KANSL1L: variants seen among roughly 807,000 people sequenced by gnomAD.
KANSL1L encodes KAT8 regulatory NSL complex subunit 1 like, also known as KAT8 regulatory NSL complex subunit 1-like protein.
Under a neutral mutation model 108.6 loss-of-function variants are expected in KANSL1L, and 25 were observed. The observed-to-expected ratio is 0.23, with a 90% CI of 0.17 to 0.32. KANSL1L has a LOEUF of 0.32. Among genes scored for constraint, KANSL1L ranks in the 10% least tolerant of loss-of-function variants. The pLI is 1.00. For missense variants in KANSL1L, 1,137 were observed against 1,125.7 expected (o/e 1.01, Z -0.14); for synonymous variants, 405 against 395.1 (o/e 1.03, Z -0.30).
rs1266336474 is a variant in KANSL1L, at chr2:210,066,316, A to AGAATAACTACTT, written c.1755+9224_1755+9235dup. On this transcript the variant is annotated intron_variant, in intron 6 of 14. Transcript: ENST00000281772. ...TAGGAGAGACCTTAGGCAAGGCTGA[A>AGAATAACTACTT]GAATAACTACTTAGGTAATCCACAG... 5.3e-5 allele frequency among the ~76,000 whole-genome samples: 8 copies of AGAATAACTACTT among 152,340 alleles called. No homozygotes were observed. In the East Asian group the frequency reaches 1.5e-3, roughly 29 times the overall value.
intron 6 of KANSL1L, among the ~76,000 whole-genome samples, chr2:210,068,156 G>GT (rs1371840009): frequency 6.6e-6 from 1 of 152,188 alleles, no homozygotes; most frequent in Non-Finnish European, 1.5e-5. Context: ...GATTACAGGC[G>GT]TGAGCCACCG....
intron 2 of KANSL1L, among the ~76,000 whole-genome samples, chr2:210,130,548 A>T (rs2095110607): frequency 6.6e-6 from 1 of 152,204 alleles, no homozygotes; most frequent in African/African-American, 2.4e-5. Flanking sequence ...TTCTAACTGC[A>T]TACAATGTGA....
rs540209029 is a variant in KANSL1L, at chr2:210,110,813, C to G, written c.1231-6512G>C. ...TAACACCTTGGACTAAACATGGACT[C>G]TGGGCTGGGTGCAGTGGCTTATACC... On this transcript the variant is annotated intron_variant, in intron 3 of 14. Coordinates refer to ENST00000281772, the MANE Select transcript of KANSL1L (RefSeq NM_152519.4). 5.3e-5 allele frequency among the ~76,000 whole-genome samples: 8 copies of G among 152,220 alleles called. No individual in the cohort carries two copies. The South Asian group carries it at 1.7e-3, about 32-fold the overall frequency.
intron 8 of KANSL1L, among the ~76,000 whole-genome samples, chr2:210,039,547 A>C (rs1265412664): frequency 6.6e-6 from 1 of 151,874 alleles, no homozygotes; most frequent in Non-Finnish European, 1.5e-5. Context: ...TTTCATGTAG[A>C]AATAATTTAT....
chr2:210,106,049 G>C (rs1390362621), intron 3 of KANSL1L, among the ~76,000 whole-genome samples: 1 of 152,156 alleles, frequency 6.6e-6, no homozygotes, highest in African/African-American at 2.4e-5. Context: ...AAATCTAAGA[G>C]AGAAACCATT....
intron 3 of KANSL1L, among the ~76,000 whole-genome samples, chr2:210,117,863 T>TA (rs985758480): frequency 3.3e-5 from 5 of 152,100 alleles, no homozygotes; most frequent in African/African-American, 9.7e-5. Context: ...GACTGTATTA[T>TA]AAAAAAATAG....
chr2:210,027,003 C>T (rs1195684576), intron 12 of KANSL1L, among the ~76,000 whole-genome samples: 1 of 152,172 alleles, frequency 6.6e-6, no homozygotes, highest in Non-Finnish European at 1.5e-5. Context: ...CATCTCCTGA[C>T]CTCGTGATCC....
chr2:210,146,137 G>A (rs573413275), intron 2 of KANSL1L, among the ~76,000 whole-genome samples: 38 of 152,220 alleles, frequency 2.5e-4, no homozygotes, highest in African/African-American at 8.9e-4. Context: ...CCTGATACCG[G>A]TAGCCCCCAC....
chr2:210,040,397 C>G (rs114353589), intron 8 of KANSL1L, 23 bp downstream of exon 8: 2 of 1,089,656 alleles, frequency 1.8e-6, no homozygotes, highest in East Asian at 4.7e-5. Context: ...ATATAGAGTA[C>G]AAGAACTGTA....
At chr2:210,129,437 T>A (rs2095099594) in intron 2 of KANSL1L, among the ~76,000 whole-genome samples, 1 of 152,126 alleles carries the variant, frequency 6.6e-6, no homozygotes, top group South Asian at 2.1e-4. Context: ...TCTTTATCAG[T>A]GCAGAAGGTC....
intron 6 of KANSL1L, among the ~76,000 whole-genome samples, chr2:210,062,149 T>C (rs1023262695): frequency 1.3e-5 from 2 of 152,112 alleles, no homozygotes; most frequent in African/African-American, 4.8e-5. Context: ...AATCGAATCA[T>C]GGGGGTGGGT....
Position 210,129,026 on chromosome 2 carries a change from A to G in KANSL1L, c.1230+5T>C. The G allele has an allele frequency of 1.9e-6, 3 of 1,611,886 alleles. No homozygotes were observed. The highest frequency in any genetic ancestry group is 2.2e-5 in the South Asian group (2 of 90,958). Reference sequence around the variant, plus strand: ...CAAAAGTAGAAGAACACAGACAGACAATACCTTGGAGGCACGAATTTGCCT... The same window carrying G: ...CAAAAGTAGAAGAACACAGACAGACGATACCTTGGAGGCACGAATTTGCCT... On this transcript the variant is annotated splice_donor_5th_base_variant and intron_variant, in intron 3 of 14. Coordinates refer to ENST00000281772, the MANE Select transcript of KANSL1L (RefSeq NM_152519.4).
At chr2:210,108,428 T>C (rs1011466307) in intron 3 of KANSL1L, among the ~76,000 whole-genome samples, 2 of 152,182 alleles carry the variant, frequency 1.3e-5, no homozygotes, top group Non-Finnish European at 2.9e-5. Flanking sequence ...TAAAAGAGTT[T>C]AAACAAGAAG....
At chr2:210,158,307 T>G (rs1191156588) in intron 1 of KANSL1L, among the ~76,000 whole-genome samples, 1 of 152,094 alleles carries the variant, frequency 6.6e-6, no homozygotes, top group African/African-American at 2.4e-5. Flanking sequence ...CCACATGGTA[T>G]AGAAATGATG....
chr2:210,120,943 T>A (rs2095012863), intron 3 of KANSL1L, among the ~76,000 whole-genome samples: 4 of 151,948 alleles, frequency 2.6e-5, no homozygotes, highest in Admixed American at 2.6e-4. Flanking sequence ...AAAACCACAA[T>A]GAGATACCAT....
Position 210,025,706 on chromosome 2 carries a change from A to T in KANSL1L, c.2452-490T>A, listed in dbSNP as rs533047074. Among the ~76,000 whole-genome samples, 17 of 152,350 alleles carry T rather than the reference A, an allele frequency of 1.1e-4. No homozygotes were observed. The South Asian group carries it at 3.3e-3, about 30-fold the overall frequency. On this transcript the variant is annotated intron_variant, in intron 12 of 14. Coordinates refer to ENST00000281772, the MANE Select transcript of KANSL1L (RefSeq NM_152519.4). The stretch of plus-strand genomic sequence containing the variant: ...TGTAAAAGGGGAGTCAAAATTTTTT[A>T]AAAATTATTTCATTATTGTTATTTT...
chr2:210,147,770 A>G (rs2095275675), intron 2 of KANSL1L, among the ~76,000 whole-genome samples: 2 of 152,186 alleles, frequency 1.3e-5, no homozygotes, highest in African/African-American at 2.4e-5. Flanking sequence ...TTAATAATGA[A>G]ATGTTTTCAG....
chr2:210,113,445 TA>T (rs1220289236), intron 3 of KANSL1L, among the ~76,000 whole-genome samples: 1 of 151,380 alleles, frequency 6.6e-6, no homozygotes, highest in Non-Finnish European at 1.5e-5. Flanking sequence ...AAAATGATTT[TA>T]AAAGTCCTGC....
At chr2:210,067,759 A>G (rs1046805120) in intron 6 of KANSL1L, among the ~76,000 whole-genome samples, 2 of 149,564 alleles carry the variant, frequency 1.3e-5, no homozygotes, top group Admixed American at 1.3e-4. Context: ...TGTAGTATTA[A>G]TTGCATTTCC....
Sources: allele counts gnomAD v4.1 joint callset (sites outside exome capture counted in the v4.1 genomes callset), GRCh38; gene constraint gnomAD v4.1.1; transcripts MANE v1.5; gene names NCBI Gene and HGNC (gene_info 2026-07-23, HGNC 2026-07-21).